Variants in ZNF503 observed in about 807,000 individuals in gnomAD.
ZNF503 encodes the protein NocA-like zinc finger 2.
Under a neutral mutation model 34.4 loss-of-function variants are expected in ZNF503, and 15 were observed. The ratio of observed to expected loss-of-function variants is 0.44; its 90% CI spans 0.29 to 0.67. The LOEUF is 0.67. Ranked by LOEUF, ZNF503 falls within the 30% of genes least tolerant of loss-of-function variation. The probability of loss-of-function intolerance (pLI) is 0.13; values close to 1 mark genes in which losing one functional copy is unlikely to be tolerated. For missense variants in ZNF503, 1,007 were observed against 926.8 expected, an observed-to-expected ratio of 1.09 and a Z score of -1.12; for synonymous variants, 580 against 456.8, an observed-to-expected ratio of 1.27 and a Z score of -3.44.
At chr10:75,369,850 T>TTC in the ZNF503 span, among the ~76,000 whole-genome samples, 1 of 152,058 alleles carries the variant, frequency 6.6e-6, no homozygotes, top group African/African-American at 2.4e-5. Context: ...GCAGATCACT[T>TTC]GAGGCCAGGA....
the ZNF503 span, among the ~76,000 whole-genome samples, chr10:75,295,352 C>G: frequency 6.6e-6 from 1 of 152,098 alleles, no homozygotes; most frequent in African/African-American, 2.4e-5. The surrounding 1 kb of genome is among the most constrained non-coding windows in gnomAD (Gnocchi z 4.0). Context: ...TGCCGCAGAC[C>G]CAGAGGTTGA....
chr10:75,306,920 CTA>C, the ZNF503 span, among the ~76,000 whole-genome samples: 3 of 152,152 alleles, frequency 2.0e-5, no homozygotes, highest in African/African-American at 7.2e-5. Flanking sequence ...GGCCATTCCC[CTA>C]TCTCTTTCCC....
chr10:75,346,981 G>A, the ZNF503 span, among the ~76,000 whole-genome samples: 1 of 152,088 alleles, frequency 6.6e-6, no homozygotes, highest in South Asian at 2.1e-4. Context: ...ATTGAGCCCT[G>A]CAAATTACAT....
the ZNF503 span, among the ~76,000 whole-genome samples, chr10:75,299,250 T>G: frequency 6.6e-6 from 1 of 152,184 alleles, no homozygotes; most frequent in Non-Finnish European, 1.5e-5. Context: ...TTTTTGAATG[T>G]GATCTATTTG....
At chr10:75,396,049 G>A (rs556752041), downstream of ZNF503, among the ~76,000 whole-genome samples, 56 of 152,288 alleles carry the variant, frequency 3.7e-4, no homozygotes, top group African/African-American at 1.3e-3. This position sits in a 1 kb window ranked among gnomAD's most constrained non-coding sequence, Gnocchi z 4.4. Context: ...GCTGGTGAGA[G>A]AGTGGTAGAC....
At chr10:75,380,537 C>G in the ZNF503 span, among the ~76,000 whole-genome samples, 1 of 152,308 alleles carries the variant, frequency 6.6e-6, no homozygotes, top group South Asian at 2.1e-4. Context: ...AAGCCCATAA[C>G]CCCGAATGGG....
At chr10:75,288,346 A>C in the ZNF503 span, 1 of 152,748 alleles carries the variant, frequency 6.5e-6, no homozygotes. Context: ...CTGCGAGATG[A>C]TGTCGGGACC....
the ZNF503 span, among the ~76,000 whole-genome samples, chr10:75,364,546 G>T: frequency 1.3e-5 from 2 of 152,142 alleles, no homozygotes; most frequent in Non-Finnish European, 2.9e-5. Flanking sequence ...TCTGGCAGCG[G>T]TAGGGCCCCT....
chr10:75,384,554 G>A, the ZNF503 span, among the ~76,000 whole-genome samples: 1 of 152,036 alleles, frequency 6.6e-6, no homozygotes, highest in Non-Finnish European at 1.5e-5. Context: ...AGTGCCACAT[G>A]GACACAACTC....
chr10:75,384,487 C>A, the ZNF503 span, among the ~76,000 whole-genome samples: 1 of 152,106 alleles, frequency 6.6e-6, no homozygotes, highest in East Asian at 1.9e-4. Context: ...CAGGCCCCCA[C>A]AGATAGCCCC....
chr10:75,356,651 C>T, the ZNF503 span, among the ~76,000 whole-genome samples: 3 of 152,320 alleles, frequency 2.0e-5, no homozygotes, highest in African/African-American at 4.8e-5. Context: ...CAGAGTCTAC[C>T]GTGTGCCAGC....
At chr10:75,325,354 C>G in the ZNF503 span, among the ~76,000 whole-genome samples, 2 of 146,010 alleles carry the variant, frequency 1.4e-5, no homozygotes, top group Admixed American at 1.4e-4. Flanking sequence ...GAGACAGGGT[C>G]TTGCTTTGTT....
the ZNF503 span, among the ~76,000 whole-genome samples, chr10:75,356,231 T>G: frequency 3.9e-5 from 6 of 152,228 alleles, no homozygotes; most frequent in Non-Finnish European, 7.3e-5. Context: ...GTATTTATTT[T>G]TTTGAGATGG....
the ZNF503 span, among the ~76,000 whole-genome samples, chr10:75,325,331 T>A: frequency 0.012 from 889 of 73,896 alleles, 4 homozygotes; most frequent in East Asian, 0.026. Flanking sequence ...ATATATATAT[T>A]TTTTTTTTTT....
the ZNF503 span, among the ~76,000 whole-genome samples, chr10:75,287,396 G>A: frequency 3.7e-4 from 57 of 152,194 alleles, no homozygotes; most frequent in East Asian, 1.7e-3. Context: ...GGTCCTAGGG[G>A]ACATATCCAT....
the ZNF503 span, among the ~76,000 whole-genome samples, chr10:75,289,741 T>G: frequency 4.6e-5 from 7 of 152,060 alleles, no homozygotes; most frequent in Non-Finnish European, 8.8e-5. Context: ...AACTTTTGGA[T>G]TTTTAGTAGA....
the ZNF503 span, among the ~76,000 whole-genome samples, chr10:75,333,332 G>C: frequency 2.0e-5 from 1 of 50,668 alleles, no homozygotes; most frequent in African/African-American, 9.2e-5. Flanking sequence ...GGGCAGAGGG[G>C]CTCCTCACTT....
At position 75,399,532 on chromosome 10, in the gene ZNF503, C is replaced by T. The variant is rs779447385; in HGVS notation, c.1158G>A (p.Pro386=). ...CCAGCTGCGCCCCCACCAGGCTGCC[C>T]GGCTTGGTGGGGTCAAGTGCCACGC... The part of the protein sequence containing the change: ...PHGVALDPTK[P]GSLVGAQLAA... Residue 386 remains proline, a synonymous_variant, in exon 2 of 2, where the codon CCG becomes CCA. Transcript: ENST00000372524. 1.3e-5 allele frequency: 20 copies of T among 1,588,078 alleles called. No individual in the cohort carries two copies. The highest frequency in any genetic ancestry group is 1.9e-4 in the Middle Eastern group (1 of 5,232).
the ZNF503 span, among the ~76,000 whole-genome samples, chr10:75,321,872 G>T: frequency 2.0e-5 from 3 of 152,132 alleles, no homozygotes; most frequent in African/African-American, 7.2e-5. Flanking sequence ...TGGCAGAAAA[G>T]AAAAGCCTAT....
Sources: gnomAD v4.1 joint callset for allele counts (sites outside exome capture counted in the v4.1 genomes callset) on GRCh38, gnomAD v4.1.1 for gene constraint, Gnocchi (gnomAD v3.1) non-coding constraint, MANE v1.5 for transcripts, NCBI Gene and HGNC (gene_info 2026-07-23, HGNC 2026-07-21) for gene names.